SBF2: variants seen among roughly 807,000 people sequenced by gnomAD.
SBF2 encodes SET binding factor 2.
A neutral mutation model predicts 225.2 loss-of-function variants in SBF2; 112 were observed. The observed-to-expected ratio is 0.50, with a 90% CI of 0.43 to 0.58. The LOEUF (loss-of-function observed/expected upper bound fraction) is 0.58. Among genes scored for constraint, SBF2 ranks in the 20% least tolerant of loss-of-function variants. SBF2 has a pLI of 0.00. For synonymous variants in SBF2, 763 were observed against 773.3 expected, an observed-to-expected ratio of 0.99 and a Z score of 0.22; for missense variants, 1,996 against 2,206.2, an observed-to-expected ratio of 0.90 and a Z score of 1.91.
intron 2 of SBF2, among the ~76,000 whole-genome samples, chr11:10,158,720 A>G (rs1225662282): frequency 6.6e-6 from 1 of 152,198 alleles, no homozygotes; most frequent in Non-Finnish European, 1.5e-5. Context: ...GAAAATTACA[A>G]GCTAACATCC....
chr11:10,243,517 T>C (rs1959445302), intron 1 of SBF2, among the ~76,000 whole-genome samples: 1 of 151,436 alleles, frequency 6.6e-6, no homozygotes, highest in Non-Finnish European at 1.5e-5. Context: ...AATTTTTTAA[T>C]GACAAAATAA....
chr11:9,883,406 C>CCAG (rs1387173317), intron 17 of SBF2, among the ~76,000 whole-genome samples: 2 of 152,066 alleles, frequency 1.3e-5, no homozygotes, highest in Admixed American at 6.5e-5. Context: ...GGTGCCTCCT[C>CCAG]CAGCTCTGTC....
At chr11:10,099,873 T>A (rs1160399824) in intron 2 of SBF2, among the ~76,000 whole-genome samples, 1 of 150,222 alleles carries the variant, frequency 6.7e-6, no homozygotes, top group Non-Finnish European at 1.5e-5. Context: ...TAGAAAGAAA[T>A]CAAAGTATGC....
intron 2 of SBF2, among the ~76,000 whole-genome samples, chr11:10,091,448 TCAC>T (rs1448601927): frequency 6.6e-6 from 1 of 152,178 alleles, no homozygotes; most frequent in Non-Finnish European, 1.5e-5. Context: ...CACCAGCTTG[TCAC>T]CATAACAACT....
chr11:10,226,127 T>C (rs942397559), intron 1 of SBF2, among the ~76,000 whole-genome samples: 1 of 152,142 alleles, frequency 6.6e-6, no homozygotes, highest in Non-Finnish European at 1.5e-5. Context: ...ATATTCATGG[T>C]CACGACCCGG....
rs1429671214 is a variant in SBF2, at chr11:9,851,138, A to AC, written c.2611-921_2611-920insG. On this transcript the variant is annotated intron_variant, in intron 21 of 39. Transcript: ENST00000256190. ...GCAACAGAGCAAGACTCCATCTCAA[A>AC]AAAAAAAAAAACAACAACAAAAAAA... is the stretch of plus-strand genomic sequence containing the variant. Among the ~76,000 whole-genome samples, 41 of 149,098 alleles carry AC rather than the reference A, an allele frequency of 2.7e-4. 1 individual carries two copies. The highest frequency in any genetic ancestry group is 2.5e-3 in the Admixed American group (38 of 15,062).
chr11:9,966,333 G>A (rs1269070621), intron 14 of SBF2, among the ~76,000 whole-genome samples: 3 of 152,178 alleles, frequency 2.0e-5, no homozygotes, highest in African/African-American at 7.2e-5. Context: ...CAAGTGATCC[G>A]CCCACCTTGG....
chr11:9,932,769 C>A (rs1864587621), intron 16 of SBF2, among the ~76,000 whole-genome samples: 1 of 151,910 alleles, frequency 6.6e-6, no homozygotes, highest in Non-Finnish European at 1.5e-5. Flanking sequence ...GGATCAAATT[C>A]ACACATAACA....
chr11:10,246,167 T>G (rs1371528527), intron 1 of SBF2, among the ~76,000 whole-genome samples: 3 of 152,214 alleles, frequency 2.0e-5, no homozygotes, highest in African/African-American at 7.2e-5. Context: ...GGGGGAAGCT[T>G]TTGAAGGTCC....
intron 2 of SBF2, among the ~76,000 whole-genome samples, chr11:10,188,033 G>A (rs187903092): frequency 2.6e-4 from 40 of 152,246 alleles, no homozygotes; most frequent in Admixed American, 1.2e-3. Context: ...TATTATCAGA[G>A]AGAGTAAATT....
At chr11:9,817,268 T>C (rs554430881) in intron 28 of SBF2, among the ~76,000 whole-genome samples, 32 of 152,300 alleles carry the variant, frequency 2.1e-4, no homozygotes, top group Non-Finnish European at 4.1e-4. Context: ...AATCCTATTT[T>C]ATATTTTGAT....
intron 17 of SBF2, among the ~76,000 whole-genome samples, chr11:9,885,305 A>G (rs367933327): frequency 2.1e-4 from 31 of 149,656 alleles, no homozygotes; most frequent in South Asian, 6.4e-4. Context: ...AACCCAGTGT[A>G]ATTACTTCCC....
At chr11:9,927,023 G>A (rs780104939) in intron 16 of SBF2, among the ~76,000 whole-genome samples, 3 of 151,990 alleles carry the variant, frequency 2.0e-5, no homozygotes, top group Non-Finnish European at 4.4e-5. Flanking sequence ...AAAAAGGGGA[G>A]ACAACACATT....
At chr11:10,099,113 T>C (rs752040695) in intron 2 of SBF2, among the ~76,000 whole-genome samples, 100 of 152,106 alleles carry the variant, frequency 6.6e-4, no homozygotes, top group African/African-American at 2.0e-3. Context: ...TCCATGTTCA[T>C]GAAGCTCAAA....
chr11:10,211,647 A>G (rs1486779415), intron 1 of SBF2, among the ~76,000 whole-genome samples: 1 of 152,234 alleles, frequency 6.6e-6, no homozygotes, highest in Non-Finnish European at 1.5e-5. Context: ...GTAGGGGACC[A>G]GGATAACGTA....
chr11:9,924,414 G>A (rs1863869205), intron 16 of SBF2, among the ~76,000 whole-genome samples: 1 of 152,032 alleles, frequency 6.6e-6, no homozygotes, highest in African/African-American at 2.4e-5. Context: ...TAGGTGTATT[G>A]AAAGCATTTT....
chr11:10,162,667 C>T (rs1023430385), intron 2 of SBF2, among the ~76,000 whole-genome samples: 6 of 152,166 alleles, frequency 3.9e-5, no homozygotes, highest in Admixed American at 6.5e-5. Context: ...CGTCACCCTC[C>T]GTATTCTAGC....
At chr11:9,787,813 G>T in intron 35 of SBF2, 75 bp from the exon 36 acceptor site, 1 of 1,259,894 alleles carries the variant, frequency 7.9e-7, no homozygotes. Flanking sequence ...CACTGCTTCT[G>T]TACTAGGCCC....
chr11:9,807,963 C>G, intron 32 of SBF2, 37 bp downstream of exon 32: 3 of 1,580,274 alleles, frequency 1.9e-6, no homozygotes, highest in Non-Finnish European at 2.6e-6. Context: ...TGTGTTCTTT[C>G]CTTCATATCA....
Sources: gnomAD v4.1 joint callset for allele counts (sites outside exome capture counted in the v4.1 genomes callset) on GRCh38, gnomAD v4.1.1 for gene constraint, MANE v1.5 for transcripts, NCBI Gene and HGNC (gene_info 2026-07-23, HGNC 2026-07-21) for gene names.